Variants in CFAP221 observed in about 807,000 individuals in gnomAD.
CFAP221 encodes cilia and flagella associated protein 221.
In CFAP221, 97 loss-of-function variants were observed where a neutral mutation model predicts 113.1. The ratio of observed to expected loss-of-function variants is 0.86; its 90% confidence interval spans 0.73 to 1.02. The LOEUF (loss-of-function observed/expected upper bound fraction) is 1.02, where lower values mean the gene tolerates loss of function less well. Ranked by LOEUF, CFAP221 falls within the 50% of genes least tolerant of loss-of-function variation. The pLI is 0.00. For missense variants in CFAP221, 1,025 were observed against 1,013.4 expected, an observed-to-expected ratio of 1.01 and a Z score of -0.16; for synonymous variants, 331 against 354.4, an observed-to-expected ratio of 0.93 and a Z score of 0.74.
chr2:119,630,778 C>T lies in CFAP221; in HGVS notation c.1851C>T (p.Thr617=), dbSNP rs1686718348. ...ALKQGAEDEV[T]TITALPKQDS... is the part of the protein sequence containing the mutation. ...TTGCTCCTTGTTAGGATGAAGTCAC[C>T]ACCATCACAGCCCTTCCGAAACAGG... Residue 617 remains threonine, a synonymous_variant, in exon 19 of 24, where the codon ACC becomes ACT. Transcript: ENST00000413369. 6.2e-7 allele frequency: 1 copy of T among 1,610,464 alleles called. No individual in the cohort carries two copies. The highest frequency in any genetic ancestry group is 8.5e-7 in the Non-Finnish European group (1 of 1,176,984).
In CFAP221 at chr2:119,656,617, A is replaced by C; in HGVS notation, c.*147A>C. On this transcript the variant is annotated 3_prime_UTR_variant, in exon 24 of 24. Transcript: ENST00000413369. Reference sequence around the variant, plus strand: ...GGATGTATATATCTTTTAAGTGATAATTATAAATCTTATATTTAAAAATAA... The same window carrying C: ...GGATGTATATATCTTTTAAGTGATACTTATAAATCTTATATTTAAAAATAA... 1.8e-6 allele frequency: 1 copy of C among 543,098 alleles called. No homozygotes were observed. Among genetic ancestry groups the C allele is most frequent in the Non-Finnish European group, 3.3e-6 (1 of 302,190 alleles). 33.6% of individuals were successfully genotyped at this position (543,098 alleles called of 1,614,324 possible). A position where few individuals can be genotyped will look rare whatever the true frequency, so the allele number is the denominator to read the frequency against.
intron 22 of CFAP221, among the ~76,000 whole-genome samples, chr2:119,647,661 T>C (rs1407734223): frequency 2.0e-5 from 3 of 152,204 alleles, no homozygotes; most frequent in Non-Finnish European, 4.4e-5. Context: ...TTGCCCCATT[T>C]GCAAATGCCT....
At chr2:119,584,454 AT>A (rs1277023394) in intron 6 of CFAP221, among the ~76,000 whole-genome samples, 4 of 151,936 alleles carry the variant, frequency 2.6e-5, no homozygotes, top group African/African-American at 9.7e-5. Flanking sequence ...AGGTATGGTG[AT>A]GCACACCTGT....
In CFAP221 at chr2:119,608,420, G is replaced by A. The variant is rs939221028; in HGVS notation, c.1134-82G>A. The A allele has an allele frequency of 5.5e-6, 6 of 1,084,896 alleles. No individual in the cohort carries two copies. The African/African-American group carries it at 7.9e-5, about 14-fold the overall frequency. 67.2% of individuals were successfully genotyped at this position (1,084,896 alleles called of 1,614,324 possible). A position where few individuals can be genotyped will look rare whatever the true frequency, so the allele number is the denominator to read the frequency against. ...ATCTCAGGGTTCCTTTTCAGTTTTG[G>A]AATATAGTGAAATATTCCATCCTAA... On this transcript the variant is annotated intron_variant, in intron 11 of 23. Transcript: ENST00000413369.
rs150960513 is a variant in CFAP221, at chr2:119,553,885, G to A, written c.240+4700G>A. Among the ~76,000 whole-genome samples, 813 of 152,272 alleles carry A rather than the reference G, an allele frequency of 5.3e-3. 7 individuals are homozygous for A. The highest frequency in any genetic ancestry group is 0.012 in the Admixed American group (176 of 15,292). ...ACCCAACAAGCCCTTGTGAGTGAAG[G>A]ATGTGGAACTCACTTTAATGTAAGA... On this transcript the variant is annotated intron_variant, in intron 3 of 23. Coordinates refer to ENST00000413369, the MANE Select transcript of CFAP221 (RefSeq NM_001271049.2).
chr2:119,555,624 T>TA (rs1006999688), intron 3 of CFAP221, among the ~76,000 whole-genome samples: 5 of 151,904 alleles, frequency 3.3e-5, no homozygotes, highest in African/African-American at 1.2e-4. Context: ...GATAAAGTAT[T>TA]AAAAAAAAGA....
intron 21 of CFAP221, among the ~76,000 whole-genome samples, chr2:119,640,214 C>CAA (rs11403185): frequency 0.036 from 5,170 of 143,250 alleles, 204 homozygotes; most frequent in African/African-American, 0.094. Context: ...CATCTCAAAA[C>CAA]AAAAAAAAAA....
At chr2:119,638,009 G>T in intron 19 of CFAP221, 2 of 319,340 alleles carry the variant, frequency 6.3e-6, no homozygotes, top group Non-Finnish European at 1.1e-5. Flanking sequence ...TGGGAGTTTA[G>T]TAAACCCATA....
At chr2:119,605,766 CA>C (rs1684707719) in intron 11 of CFAP221, among the ~76,000 whole-genome samples, 1 of 152,030 alleles carries the variant, frequency 6.6e-6, no homozygotes, top group South Asian at 2.1e-4. Context: ...AACTTTTTCA[CA>C]ATTTTTTTTT....
chr2:119,635,792 G>C (rs192686287), intron 19 of CFAP221, among the ~76,000 whole-genome samples: 1 of 152,308 alleles, frequency 6.6e-6, no homozygotes, highest in Admixed American at 6.5e-5. Flanking sequence ...GTCTTGGGCT[G>C]ATCTCTGGTC....
intron 1 of CFAP221, 137 bp from the exon 2 acceptor site, chr2:119,545,948 G>A (rs1680020638): frequency 1.7e-6 from 1 of 576,642 alleles, no homozygotes; most frequent in African/African-American, 1.9e-5. Context: ...TGGGAATGGA[G>A]TGGCCCGCAG....
At chr2:119,623,627 G>A (rs1310074253) in intron 14 of CFAP221, among the ~76,000 whole-genome samples, 1 of 152,222 alleles carries the variant, frequency 6.6e-6, no homozygotes, top group East Asian at 1.9e-4. Flanking sequence ...ATACTACAAG[G>A]CTACAGTAAC....
intron 6 of CFAP221, among the ~76,000 whole-genome samples, chr2:119,583,014 C>A (rs1321444158): frequency 6.6e-6 from 1 of 152,102 alleles, no homozygotes; most frequent in East Asian, 1.9e-4. Context: ...AAAAGATTAT[C>A]CTACCTGCTA....
intron 1 of CFAP221, chr2:119,545,034 T>TGAG (rs1407805709): frequency 7.9e-6 from 1 of 126,832 alleles, no homozygotes; most frequent in Non-Finnish European, 1.7e-5. Flanking sequence ...TGAGAGGTGG[T>TGAG]GCGAGGGGAG....
intron 23 of CFAP221, among the ~76,000 whole-genome samples, chr2:119,654,261 GTTAA>G (rs975929802): frequency 1.6e-4 from 25 of 152,168 alleles, no homozygotes; most frequent in Admixed American, 9.8e-4. Context: ...GTTTTGATCA[GTTAA>G]TTAATTAATT....
rs543727415 is a variant in CFAP221 at position 119,578,831 on chromosome 2, T to A, written c.528-8288T>A. Among the ~76,000 whole-genome samples the A allele has an allele frequency of 2.4e-4, 37 of 152,302 alleles. No homozygotes were observed. The South Asian group carries it at 7.2e-3, about 30-fold the overall frequency. On this transcript the variant is annotated intron_variant, in intron 6 of 23. Coordinates refer to ENST00000413369, the MANE Select transcript of CFAP221 (RefSeq NM_001271049.2). Reference sequence around the variant, plus strand: ...GCCTCTTCACCCCCCTCTCTAGATATCGGGAATTTTTAGTTAGAGTATATT... The same window carrying A: ...GCCTCTTCACCCCCCTCTCTAGATAACGGGAATTTTTAGTTAGAGTATATT...
intron 19 of CFAP221, among the ~76,000 whole-genome samples, chr2:119,634,429 T>A (rs1686987219): frequency 6.6e-6 from 1 of 152,168 alleles, no homozygotes; most frequent in Non-Finnish European, 1.5e-5. Flanking sequence ...ATGGCACCAC[T>A]GCACTCCGGC....
intron 12 of CFAP221, among the ~76,000 whole-genome samples, chr2:119,610,295 T>G (rs1022969819): frequency 3.9e-5 from 6 of 152,100 alleles, no homozygotes; most frequent in Middle Eastern, 3.4e-3. Flanking sequence ...GTCCAGGGGA[T>G]TTTATCTGAG....
intron 3 of CFAP221, chr2:119,557,070 A>T (rs759268864): frequency 6.6e-6 from 1 of 152,160 alleles, no homozygotes; most frequent in South Asian, 2.1e-4. Context: ...CCATTCAGGA[A>T]TACTGGAAAA....
Sources: gnomAD v4.1 joint callset for allele counts (sites outside exome capture counted in the v4.1 genomes callset) on GRCh38, gnomAD v4.1.1 for gene constraint, MANE v1.5 for transcripts, NCBI Gene and HGNC (gene_info 2026-07-23, HGNC 2026-07-21) for gene names.